The following OSBPL8 variants were observed in gnomAD, a reference collection of about 807,000 sequenced individuals.
OSBPL8 encodes oxysterol-binding protein-related protein 8.
Under a neutral mutation model 125.5 loss-of-function variants are expected in OSBPL8, and 59 were observed. The observed-to-expected ratio is 0.47, with a 90% CI of 0.38 to 0.58. The LOEUF is 0.58. Among genes scored for constraint, OSBPL8 ranks in the 20% least tolerant of loss-of-function variants. The pLI is 0.00. For synonymous variants in OSBPL8, 330 were observed against 338.9 expected (o/e 0.97, Z 0.29); for missense variants, 758 against 1,047.8 (o/e 0.72, Z 3.82).
At chr12:76,486,545 G>A (rs1878153414) in intron 2 of OSBPL8, among the ~76,000 whole-genome samples, 1 of 152,134 alleles carries the variant, frequency 6.6e-6, no homozygotes, top group South Asian at 2.1e-4. Context: ...AATTGAAAAT[G>A]AAATTATTCT....
At chr12:76,552,286 C>T (rs1950963702) in intron 1 of OSBPL8, among the ~76,000 whole-genome samples, 1 of 151,692 alleles carries the variant, frequency 6.6e-6, no homozygotes, top group African/African-American at 2.4e-5. Context: ...ATTTGCCAGG[C>T]ACGGTGGCAC....
chr12:76,532,635 G>C (rs1177508529), intron 1 of OSBPL8, among the ~76,000 whole-genome samples: 5 of 151,430 alleles, frequency 3.3e-5, no homozygotes, highest in Non-Finnish European at 7.4e-5. Context: ...CATCCACCTT[G>C]ATCTTCTTTT....
intron 4 of OSBPL8, among the ~76,000 whole-genome samples, chr12:76,423,949 A>C (rs1189378695): frequency 6.6e-6 from 1 of 152,108 alleles, no homozygotes; most frequent in Non-Finnish European, 1.5e-5. Context: ...ATAATCTAAG[A>C]CTTTGTCCTT....
At chr12:76,446,150 C>G (rs1029807421) in intron 4 of OSBPL8, among the ~76,000 whole-genome samples, 4 of 152,136 alleles carry the variant, frequency 2.6e-5, no homozygotes, top group African/African-American at 9.7e-5. Context: ...GACATGAGGA[C>G]CTTTAAATGT....
chr12:76,370,740 A>G (rs929434489), intron 19 of OSBPL8, among the ~76,000 whole-genome samples: 18 of 152,210 alleles, frequency 1.2e-4, no homozygotes, highest in African/African-American at 3.4e-4. Flanking sequence ...ATTTGAGTGT[A>G]GAAGGGAAGG....
Position 76,544,137 on chromosome 12 carries a change from T to C in OSBPL8, c.-68+15260A>G, listed in dbSNP as rs74401023. 1.8e-3 allele frequency among the ~76,000 whole-genome samples: 274 copies of C among 152,302 alleles called. 5 individuals are homozygous for C. In the East Asian group the frequency reaches 0.042, roughly 23 times the overall value. On this transcript the variant is annotated intron_variant, in intron 1 of 23. Transcript: ENST00000261183. ...CAGAGTAGTCACTTTCAGAGACTAG[T>C]TTCAAGTTGCCATCCCACAAAACAA...
chr12:76,454,323 G>A (rs1873756178), intron 3 of OSBPL8, among the ~76,000 whole-genome samples: 1 of 152,264 alleles, frequency 6.6e-6, no homozygotes, highest in Middle Eastern at 3.4e-3. Context: ...TCCATATAAT[G>A]AAATAGTATA....
Position 76,493,986 on chromosome 12 carries a change from G to A in OSBPL8, c.-67-6368C>T, listed in dbSNP as rs562689539. 4.6e-5 allele frequency among the ~76,000 whole-genome samples: 7 copies of A among 152,038 alleles called. No individual in the cohort carries two copies. In the East Asian group the frequency reaches 7.7e-4, roughly 17 times the overall value. The stretch of plus-strand genomic sequence containing the variant: ...TTCTGCTGTTAACAGTCTCTATTGC[G>A]CTGTTCTTTTTAATTATTCCAACCT... On this transcript the variant is annotated intron_variant, in intron 1 of 23. Transcript: ENST00000261183.
chr12:76,553,004 C>CT (rs1565993724), intron 1 of OSBPL8, among the ~76,000 whole-genome samples: 2 of 152,262 alleles, frequency 1.3e-5, no homozygotes. Flanking sequence ...ATAATCATAA[C>CT]AATGCACAAA....
At chr12:76,421,112 A>G (rs945387722) in intron 4 of OSBPL8, among the ~76,000 whole-genome samples, 1 of 152,066 alleles carries the variant, frequency 6.6e-6, no homozygotes, top group African/African-American at 2.4e-5. Context: ...TGTAAAGCTA[A>G]GTGGACTTGT....
chr12:76,508,664 C>T (rs1027051195), intron 1 of OSBPL8, among the ~76,000 whole-genome samples: 54 of 152,266 alleles, frequency 3.5e-4, no homozygotes, highest in African/African-American at 1.3e-3. Context: ...ACCGAGATGG[C>T]AATGAAAATA....
intron 2 of OSBPL8, among the ~76,000 whole-genome samples, chr12:76,474,085 G>A (rs1876504488): frequency 6.6e-6 from 1 of 152,144 alleles, no homozygotes; most frequent in Non-Finnish European, 1.5e-5. Context: ...TCTAAACACA[G>A]TATAGGCATG....
chr12:76,525,542 T>A (rs370734187), intron 1 of OSBPL8, among the ~76,000 whole-genome samples: 1 of 151,686 alleles, frequency 6.6e-6, no homozygotes, highest in Non-Finnish European at 1.5e-5. Context: ...CATATGCTCT[T>A]AACTGATAAT....
At chr12:76,386,061 A>C (rs3759141) in intron 14 of OSBPL8, 107 bp downstream of exon 14, 174,187 of 1,461,930 alleles carry the variant, frequency 0.12, 13,025 homozygotes, top group East Asian at 0.41. Context: ...AAATGTTCAG[A>C]AATAAGAAAG....
intron 21 of OSBPL8, among the ~76,000 whole-genome samples, chr12:76,361,963 G>A (rs1171300940): frequency 2.0e-5 from 3 of 152,144 alleles, no homozygotes; most frequent in Admixed American, 6.5e-5. Context: ...TCAACAACTC[G>A]TTCTTTCTTG....
chr12:76,449,971 T>C (rs983257039), intron 4 of OSBPL8, among the ~76,000 whole-genome samples: 5 of 151,824 alleles, frequency 3.3e-5, no homozygotes, highest in African/African-American at 1.2e-4. Context: ...ACCCCCCCCA[T>C]ATATATATAT....
At chr12:76,529,939 T>A (rs1201250584) in intron 1 of OSBPL8, among the ~76,000 whole-genome samples, 1 of 152,232 alleles carries the variant, frequency 6.6e-6, no homozygotes, top group Non-Finnish European at 1.5e-5. Flanking sequence ...ATTTTCAAAA[T>A]GAAGACACTA....
intron 23 of OSBPL8, 54 bp from the exon 24 acceptor site, chr12:76,356,075 T>A: frequency 7.0e-7 from 1 of 1,420,180 alleles, no homozygotes; most frequent in Non-Finnish European, 9.5e-7. Context: ...AATGTTGGCA[T>A]AGAGCCCACA....
At chr12:76,474,258 C>T (rs969514049) in intron 2 of OSBPL8, among the ~76,000 whole-genome samples, 1 of 152,084 alleles carries the variant, frequency 6.6e-6, no homozygotes, top group Non-Finnish European at 1.5e-5. Context: ...TGTCTAGTGA[C>T]AGTAGAACAA....
Sources: allele counts gnomAD v4.1 joint callset (sites outside exome capture counted in the v4.1 genomes callset), GRCh38; gene constraint gnomAD v4.1.1; transcripts MANE v1.5; gene names NCBI Gene and HGNC (gene_info 2026-07-23, HGNC 2026-07-21).